LRRC8C: variants seen among roughly 807,000 people sequenced by gnomAD.
LRRC8C encodes leucine rich repeat containing 8 VRAC subunit C.
A neutral mutation model predicts 55.3 loss-of-function variants in LRRC8C; 20 were observed. That is an observed-to-expected ratio of 0.36 (90% CI 0.25 to 0.53). The LOEUF (loss-of-function observed/expected upper bound fraction) is 0.53, where lower values mean the gene tolerates loss of function less well. Ranked by LOEUF, LRRC8C falls within the 20% of genes least tolerant of loss-of-function variation. The probability of loss-of-function intolerance (pLI) is 0.92; values close to 1 mark genes in which losing one functional copy is unlikely to be tolerated. For missense variants in LRRC8C, 659 were observed against 951.4 expected, an observed-to-expected ratio of 0.69 and a Z score of 4.04; for synonymous variants, 376 against 360.7, an observed-to-expected ratio of 1.04 and a Z score of -0.48.
At chr1:89,622,645 C>CT in the LRRC8C span, among the ~76,000 whole-genome samples, 1 of 151,970 alleles carries the variant, frequency 6.6e-6, no homozygotes, top group African/African-American at 2.4e-5. Context: ...CATGTGAAAT[C>CT]TTTAACATCA....
chr1:89,651,740 G>A (rs1656790351), intron 1 of LRRC8C, among the ~76,000 whole-genome samples: 1 of 152,072 alleles, frequency 6.6e-6, no homozygotes, highest in Non-Finnish European at 1.5e-5. Flanking sequence ...TGCTGTAAGG[G>A]AGGAGTTTGT....
chr1:89,708,603 CAAAG>C (rs1049065508), intron 2 of LRRC8C: 6 of 151,144 alleles, frequency 4.0e-5, no homozygotes, highest in Non-Finnish European at 7.3e-5. Context: ...AAGAAGAAGA[CAAAG>C]AAGAAGAAGC....
At chr1:89,637,972 TG>T (rs1407260381) in intron 1 of LRRC8C, among the ~76,000 whole-genome samples, 1 of 152,058 alleles carries the variant, frequency 6.6e-6, no homozygotes, top group African/African-American at 2.4e-5. Flanking sequence ...TGTTAATTGA[TG>T]GAGACAAGGT....
At chr1:89,641,899 G>A (rs1243630454) in intron 1 of LRRC8C, among the ~76,000 whole-genome samples, 1 of 152,124 alleles carries the variant, frequency 6.6e-6, no homozygotes, top group African/African-American at 2.4e-5. Context: ...GTTTTAAAAG[G>A]TACCGCAAGA....
At chr1:89,647,031 C>CACG (rs1553164231) in intron 1 of LRRC8C, among the ~76,000 whole-genome samples, 1 of 151,588 alleles carries the variant, frequency 6.6e-6, no homozygotes, top group Non-Finnish European at 1.5e-5. Context: ...TATTTAATAA[C>CACG]ATAACATTAA....
At chr1:89,704,565 T>C (rs1378962689) in intron 2 of LRRC8C, among the ~76,000 whole-genome samples, 1 of 152,154 alleles carries the variant, frequency 6.6e-6, no homozygotes. Flanking sequence ...TGGAATGGTA[T>C]ACACCAAACT....
intron 1 of LRRC8C, among the ~76,000 whole-genome samples, chr1:89,640,831 G>T (rs1011969894): frequency 2.6e-5 from 4 of 152,186 alleles, no homozygotes; most frequent in African/African-American, 9.7e-5. Context: ...AAGTGACTTT[G>T]TGGTGTATAG....
intron 2 of LRRC8C, among the ~76,000 whole-genome samples, chr1:89,697,372 T>G (rs1293242816): frequency 1.3e-5 from 2 of 152,220 alleles, no homozygotes; most frequent in Middle Eastern, 3.2e-3. Flanking sequence ...TGATTTATGT[T>G]TCTCTTTGAA....
intron 1 of LRRC8C, among the ~76,000 whole-genome samples, chr1:89,647,571 T>G (rs942684256): frequency 3.3e-5 from 5 of 152,302 alleles, no homozygotes; most frequent in Non-Finnish European, 1.5e-5. Context: ...ACATTTGGGT[T>G]GGGTGAGAAA....
chr1:89,652,915 G>A (rs768939991), intron 1 of LRRC8C, among the ~76,000 whole-genome samples: 1 of 152,160 alleles, frequency 6.6e-6, no homozygotes, highest in African/African-American at 2.4e-5. Flanking sequence ...TGGAGGAGAG[G>A]TCTGAGAATA....
intron 1 of LRRC8C, among the ~76,000 whole-genome samples, chr1:89,679,175 A>G (rs1657634275): frequency 6.6e-6 from 1 of 152,202 alleles, no homozygotes; most frequent in Non-Finnish European, 1.5e-5. Context: ...CCAGGGAAGT[A>G]GAAGGAAAAC....
intron 1 of LRRC8C, among the ~76,000 whole-genome samples, chr1:89,656,733 G>A (rs1656953780): frequency 6.6e-6 from 1 of 152,132 alleles, no homozygotes; most frequent in African/African-American, 2.4e-5. Flanking sequence ...GTACTGTTCG[G>A]CACTTTCCAT....
chr1:89,712,857 T>A lies in LRRC8C; in HGVS notation c.287T>A (p.Met96Lys). ...CCTGCTAACCCCATCACTGTGGAAATGAAAGGCCTGAAGACAGATTTGGAC... is the reference window on the plus strand; with the variant it reads ...CCTGCTAACCCCATCACTGTGGAAAAGAAAGGCCTGAAGACAGATTTGGAC... ...PSPANPITVE[M>K]KGLKTDLDLQ... Residue 96 changes from methionine (M) to lysine (K), a missense_variant, in exon 3 of 3, where the codon ATG (methionine) becomes AAG (lysine). Coordinates refer to ENST00000370454, the MANE Select transcript of LRRC8C (RefSeq NM_032270.5). 6.2e-7 allele frequency: 1 copy of A among 1,614,166 alleles called. No homozygotes were observed. The highest frequency in any genetic ancestry group is 8.5e-7 in the Non-Finnish European group (1 of 1,180,010).
chr1:89,627,415 C>G, the LRRC8C span, among the ~76,000 whole-genome samples: 2 of 152,022 alleles, frequency 1.3e-5, no homozygotes, highest in African/African-American at 4.8e-5. Context: ...CTCGGAGCTA[C>G]GGACACATTA....
At chr1:89,631,507 T>A (rs1656107263), upstream of LRRC8C, 1 of 152,186 alleles carries the variant, frequency 6.6e-6, no homozygotes, top group African/African-American at 2.4e-5. Context: ...CCTCACTGTG[T>A]TTAAATTCAG....
intron 1 of LRRC8C, among the ~76,000 whole-genome samples, chr1:89,675,567 T>A (rs1352246060): frequency 6.6e-6 from 1 of 152,234 alleles, no homozygotes; most frequent in Admixed American, 6.5e-5. Context: ...TTTCTGTACA[T>A]TGAAGGAAGA....
chr1:89,704,865 C>T (rs934384756), intron 2 of LRRC8C, among the ~76,000 whole-genome samples: 2 of 152,022 alleles, frequency 1.3e-5, no homozygotes, highest in Non-Finnish European at 2.9e-5. Flanking sequence ...GTCAGTGTGG[C>T]GATTCCTCAG....
chr1:89,664,751 G>A (rs111827463), intron 1 of LRRC8C, among the ~76,000 whole-genome samples: 54,026 of 151,958 alleles, frequency 0.36, 9,575 homozygotes, highest in African/African-American at 0.38. Context: ...CCATTTTCAC[G>A]ATATTGATTC....
intron 1 of LRRC8C, among the ~76,000 whole-genome samples, chr1:89,656,780 T>C (rs1056199707): frequency 6.6e-6 from 1 of 152,202 alleles, no homozygotes; most frequent in African/African-American, 2.4e-5. Flanking sequence ...GTAAATTGGA[T>C]TTTTTAGAAT....
Sources: allele counts gnomAD v4.1 joint callset (sites outside exome capture counted in the v4.1 genomes callset), GRCh38; gene constraint gnomAD v4.1.1; transcripts MANE v1.5; gene names NCBI Gene and HGNC (gene_info 2026-07-23, HGNC 2026-07-21).